PRKG1: variants seen among roughly 807,000 people sequenced by gnomAD.
PRKG1 encodes the protein cGMP-dependent protein kinase 1.
In PRKG1, 35 loss-of-function variants were observed where a neutral mutation model predicts 88.1. The ratio of observed to expected loss-of-function variants is 0.40; its 90% CI spans 0.30 to 0.53. The LOEUF is 0.53. PRKG1 is among the 20% of genes least tolerant of loss of function. The pLI, the probability that PRKG1 is intolerant of heterozygous loss-of-function variation, is 0.59. For missense variants in PRKG1, 540 were observed against 839.8 expected (o/e 0.64, Z 4.41); for synonymous variants, 303 against 292.5 (o/e 1.04, Z -0.37).
rs60053336 is a variant in PRKG1 at position 51,712,580 on chromosome 10, CTTTTTTTTTTTT to C, written c.593-91989_593-91978del. Reference sequence around the variant, plus strand: ...AAATGTTGACTCTAAAATATTATTCCTTTTTTTTTTTTTTTTTTTTTTTTTTTGAGACGGAGT... The same window carrying C: ...AAATGTTGACTCTAAAATATTATTCCTTTTTTTTTTTTTTTGAGACGGAGT... On this transcript the variant is annotated intron_variant, in intron 3 of 17. Transcript: ENST00000373980. 6.2e-5 allele frequency among the ~76,000 whole-genome samples: 6 copies of C among 96,032 alleles called. No homozygotes were observed. The East Asian group carries it at 9.6e-4, about 15-fold the overall frequency. The allele number at this position is 96,032 out of a possible 152,430, so 63.0% of individuals were successfully genotyped here.
intron 6 of PRKG1, among the ~76,000 whole-genome samples, chr10:52,058,919 T>A (rs1846171820): frequency 6.6e-6 from 1 of 151,928 alleles, no homozygotes; most frequent in African/African-American, 2.4e-5. Context: ...GGGGTTTGTA[T>A]TGATCCTATC....
At chr10:51,298,301 A>G (rs1170918765) in intron 2 of PRKG1, among the ~76,000 whole-genome samples, 1 of 152,186 alleles carries the variant, frequency 6.6e-6, no homozygotes, top group African/African-American at 2.4e-5. Flanking sequence ...TTATAGGCAA[A>G]GAAAAGGCAC....
chr10:52,288,846 C>T lies in PRKG1; in HGVS notation c.1830C>T (p.Cys610=), dbSNP rs1252513588. The change falls in exon 15 of 18, where the codon TGC becomes TGT. Residue 610 remains cysteine (C), a splice_region_variant and synonymous_variant. Transcript: ENST00000373980. ...KNAANLIKKL[C]RDNPSERLGN... ...CTGCTAATTTAATTAAAAAACTATG[C>T]AGGTAAGTATTTCAACCACATTATT... is the stretch of plus-strand genomic sequence containing the variant. 5 of 1,598,762 alleles carry T rather than the reference C, an allele frequency of 3.1e-6. No homozygotes were observed. The highest frequency in any genetic ancestry group is 1.7e-4 in the Middle Eastern group (1 of 5,970).
intron 2 of PRKG1, among the ~76,000 whole-genome samples, chr10:51,430,509 T>C (rs1838730635): frequency 6.6e-6 from 1 of 152,146 alleles, no homozygotes; most frequent in South Asian, 2.1e-4. Flanking sequence ...ACTACTACTG[T>C]TGTGAATATA....
intron 4 of PRKG1, among the ~76,000 whole-genome samples, chr10:51,818,361 T>C (rs960576601): frequency 5.3e-5 from 8 of 152,142 alleles, no homozygotes; most frequent in Non-Finnish European, 1.2e-4. Context: ...CACTAAACAG[T>C]TTCTACTTAA....
intron 3 of PRKG1, among the ~76,000 whole-genome samples, chr10:51,486,645 G>A (rs533593580): frequency 9.2e-5 from 14 of 151,956 alleles, no homozygotes; most frequent in Non-Finnish European, 1.6e-4. Context: ...CTTCCATTCC[G>A]TACTATTTGA....
chr10:51,550,126 A>G (rs988094256), intron 3 of PRKG1, among the ~76,000 whole-genome samples: 3 of 152,106 alleles, frequency 2.0e-5, no homozygotes, highest in African/African-American at 4.8e-5. Flanking sequence ...CTAAGTCTCT[A>G]CTAGGAACTA....
Position 52,036,326 on chromosome 10 carries a change from T to A in PRKG1, c.763-18158T>A, listed in dbSNP as rs533946477. Among the ~76,000 whole-genome samples the A allele has an allele frequency of 1.3e-3, 198 of 151,642 alleles. 2 individuals are homozygous for A. Among genetic ancestry groups the A allele is most frequent in the African/African-American group, 4.2e-3 (175 of 41,294 alleles). ...AGTATATGGGTTTGGCACTACGGGG[T>A]GGATAGGCAAAACAATTTGGTTGAT... On this transcript the variant is annotated intron_variant, in intron 5 of 17. Coordinates refer to ENST00000373980, the MANE Select transcript of PRKG1 (RefSeq NM_006258.4).
intron 17 of PRKG1, among the ~76,000 whole-genome samples, chr10:52,292,326 A>C (rs2132466545): frequency 6.6e-6 from 1 of 151,962 alleles, no homozygotes; most frequent in East Asian, 1.9e-4. Flanking sequence ...TTTAGACATG[A>C]AGTCCTTGCC....
rs1312119113 is a variant in PRKG1, at chr10:52,272,311, A to ATGAT, written c.1314-80_1314-79insGATT. 6.4e-6 allele frequency: 7 copies of ATGAT among 1,087,564 alleles called. No homozygotes were observed. The Admixed American group carries it at 1.7e-4, about 26-fold the overall frequency. 67.4% of individuals were successfully genotyped at this position (1,087,564 alleles called of 1,614,324 possible). On this transcript the variant is annotated intron_variant, in intron 11 of 17. Coordinates refer to ENST00000373980, the MANE Select transcript of PRKG1 (RefSeq NM_006258.4). Reference sequence around the variant, plus strand: ...ATTTTGAGCTTGGCAAATCAAAACTATAATCTGGGCCCCCCAAAATTGCAC... The same window carrying ATGAT: ...ATTTTGAGCTTGGCAAATCAAAACTATGATTAATCTGGGCCCCCCAAAATTGCAC...
rs752863259 is a variant in PRKG1, at chr10:50,991,534, C to A, written c.156C>A (p.Thr52=). Residue 52 remains threonine (T), a synonymous_variant, in exon 1 of 18, where the codon ACC becomes ACA. Coordinates refer to the PRKG1 transcript ENST00000401604. The surrounding 1 kb of genome is among the most constrained non-coding windows in gnomAD (Gnocchi z 4.5). ...AGTCGGTGCTCCCAGTGCCCTCGAC[C>A]CACATCGGCCCCCGGACCACCCGGG... 1 of 1,610,750 alleles carries A rather than the reference C, an allele frequency of 6.2e-7. No individual in the cohort carries two copies. Among genetic ancestry groups the A allele is most frequent in the Non-Finnish European group, 8.5e-7 (1 of 1,178,854 alleles).
intron 1 of PRKG1, among the ~76,000 whole-genome samples, chr10:51,056,719 T>C (rs1843630142): frequency 6.6e-6 from 1 of 152,172 alleles, no homozygotes; most frequent in Admixed American, 6.5e-5. Context: ...CATTTGTCAG[T>C]TTGACATTCC....
intron 3 of PRKG1, among the ~76,000 whole-genome samples, chr10:51,795,422 T>C (rs989643998): frequency 6.6e-6 from 1 of 152,116 alleles, no homozygotes; most frequent in African/African-American, 2.4e-5. Context: ...TTAAAATATA[T>C]CCTCCAAACT....
chr10:51,926,750 GTT>G (rs11324214), intron 5 of PRKG1, among the ~76,000 whole-genome samples: 25 of 141,280 alleles, frequency 1.8e-4, no homozygotes, highest in African/African-American at 5.2e-4. Context: ...GCCTAGCATA[GTT>G]TTTTTTTTTT....
chr10:51,383,517 CAG>C (rs1837168755), intron 2 of PRKG1, among the ~76,000 whole-genome samples: 1 of 152,126 alleles, frequency 6.6e-6, no homozygotes, highest in Non-Finnish European at 1.5e-5. Context: ...GTTGAGAAAA[CAG>C]AGGCACACGG....
chr10:51,888,000 A>T (rs1372324821), intron 4 of PRKG1, among the ~76,000 whole-genome samples: 1 of 152,234 alleles, frequency 6.6e-6, no homozygotes, highest in Non-Finnish European at 1.5e-5. Flanking sequence ...TGTGTTTATT[A>T]AAATATAAGA....
chr10:51,151,434 T>C (rs1846069273), intron 1 of PRKG1, among the ~76,000 whole-genome samples: 1 of 152,042 alleles, frequency 6.6e-6, no homozygotes, highest in South Asian at 2.1e-4. Context: ...TCAGCTGATA[T>C]TTTTAAAATA....
chr10:51,936,852 T>C (rs1842809823), intron 5 of PRKG1, among the ~76,000 whole-genome samples: 1 of 152,082 alleles, frequency 6.6e-6, no homozygotes, highest in Non-Finnish European at 1.5e-5. Context: ...CAGAAGCTTA[T>C]GACATTCATA....
intron 9 of PRKG1, among the ~76,000 whole-genome samples, chr10:52,193,548 C>CAAAAAAAAAAAAAAAAAAAAAAA (rs34730000): frequency 2.3e-5 from 1 of 42,820 alleles, no homozygotes; most frequent in African/African-American, 7.4e-5. Flanking sequence ...GACTCTGTCT[C>CAAAAAAAAAAAAAAAAAAAAAAA]AAAAAAAAAA....
Sources: gnomAD v4.1 joint callset for allele counts (sites outside exome capture counted in the v4.1 genomes callset) on GRCh38, gnomAD v4.1.1 for gene constraint, Gnocchi (gnomAD v3.1) non-coding constraint, MANE v1.5 for transcripts, NCBI Gene and HGNC (gene_info 2026-07-23, HGNC 2026-07-21) for gene names.